The following TCEA1 variants were observed in gnomAD, a reference collection of about 807,000 sequenced individuals.
The protein encoded by TCEA1 is transcription elongation factor A protein 1.
A neutral mutation model predicts 43.8 loss-of-function variants in TCEA1; 21 were observed. The observed-to-expected ratio is 0.48, with a 90% confidence interval of 0.34 to 0.69. TCEA1 has a LOEUF of 0.69. Among genes scored for constraint, TCEA1 ranks in the 30% least tolerant of loss-of-function variants. TCEA1 has a pLI of 0.01. For missense variants in TCEA1, 250 were observed against 365.1 expected (o/e 0.68, Z 2.57); for synonymous variants, 104 against 117.5 (o/e 0.88, Z 0.75).
At chr8:54,009,248 C>T (rs1001441372) in intron 2 of TCEA1, among the ~76,000 whole-genome samples, 5 of 151,820 alleles carry the variant, frequency 3.3e-5, no homozygotes, top group African/African-American at 1.2e-4. Flanking sequence ...TTAGCACAGC[C>T]ACTGTATAAA....
At chr8:53,994,866 G>GT (rs781048915) in intron 3 of TCEA1, among the ~76,000 whole-genome samples, 9 of 149,614 alleles carry the variant, frequency 6.0e-5, no homozygotes, top group Non-Finnish European at 1.2e-4. Flanking sequence ...ACAAGACTCT[G>GT]TCTCAAAAAA....
At chr8:54,009,534 C>A (rs888270725) in intron 2 of TCEA1, among the ~76,000 whole-genome samples, 1 of 152,086 alleles carries the variant, frequency 6.6e-6, no homozygotes, top group Non-Finnish European at 1.5e-5. Flanking sequence ...ACGGATGGAA[C>A]TGAAGTTATG....
chr8:53,987,914 T>C (rs2129303568), intron 5 of TCEA1, among the ~76,000 whole-genome samples, 200 bp downstream of exon 5: 1 of 152,286 alleles, frequency 6.6e-6, no homozygotes, highest in Admixed American at 6.5e-5. Context: ...TACAATTACA[T>C]AGTAATAAGC....
intron 4 of TCEA1, among the ~76,000 whole-genome samples, chr8:53,993,077 C>G (rs1170077531): frequency 6.6e-6 from 1 of 151,196 alleles, no homozygotes; most frequent in Non-Finnish European, 1.5e-5. Context: ...CCCAGCCTCC[C>G]AAGTAGCTGG....
chr8:53,988,183 C>T lies in TCEA1; in HGVS notation c.397G>A (p.Ala133Thr), dbSNP rs1037056970. The T allele has an allele frequency of 6.2e-7, 1 of 1,612,832 alleles. No individual in the cohort carries two copies. The highest frequency in any genetic ancestry group is 8.5e-7 in the Non-Finnish European group (1 of 1,179,468). ...RDTYVSSFPRAPSTSDSVRLK... is the reference protein window; with the variant it reads ...RDTYVSSFPRTPSTSDSVRLK... The stretch of plus-strand genomic sequence containing the variant: ...CGCACAGAATCAGAAGTGCTTGGTG[C>T]CCGAGGAAAGGATGAAACATAAGTA... The change falls in exon 5 of 10, where the codon GCA becomes ACA. Residue 133 changes from alanine (A) to threonine (T), a missense_variant. By Grantham distance (58) the Ala-to-Thr change is moderately conservative. This residue lies in a region of TCEA1 where 147 missense variants were observed against 160.3 expected (regional missense o/e 0.92). Transcript: ENST00000521604.
rs1250448937 is a variant in TCEA1, at chr8:53,966,560, T to C, written c.*1544A>G. On this transcript the variant is annotated 3_prime_UTR_variant, in exon 10 of 10. Transcript: ENST00000521604. ...ATAAAATGACAAAATGTGATATATGTTTAACAACAAAAAAAACTTTATTGA... is the reference window on the plus strand; with the variant it reads ...ATAAAATGACAAAATGTGATATATGCTTAACAACAAAAAAAACTTTATTGA... 1 of 176,724 alleles carries C rather than the reference T, an allele frequency of 5.7e-6. No homozygotes were observed. Among genetic ancestry groups the C allele is most frequent in the African/African-American group, 2.4e-5 (1 of 42,226 alleles). 10.9% of individuals were successfully genotyped at this position (176,724 alleles called of 1,614,324 possible). A position where few individuals can be genotyped will look rare whatever the true frequency, so the allele number is the denominator to read the frequency against.
chr8:53,986,626 G>A (rs1449643345), intron 6 of TCEA1, among the ~76,000 whole-genome samples: 3 of 152,012 alleles, frequency 2.0e-5, no homozygotes, highest in Non-Finnish European at 4.4e-5. Context: ...ATTTTACTAG[G>A]GATTTATATG....
intron 3 of TCEA1, among the ~76,000 whole-genome samples, chr8:53,998,411 A>G (rs1804136673): frequency 6.6e-6 from 1 of 152,154 alleles, no homozygotes; most frequent in Non-Finnish European, 1.5e-5. Context: ...CCACATATTC[A>G]GGAGGCATAC....
At chr8:53,985,895 G>A (rs1803676500) in intron 6 of TCEA1, among the ~76,000 whole-genome samples, 1 of 152,140 alleles carries the variant, frequency 6.6e-6, no homozygotes, top group South Asian at 2.1e-4. Context: ...AGACACTACA[G>A]TCTCAATCTA....
intron 1 of TCEA1, among the ~76,000 whole-genome samples, chr8:54,012,189 T>C (rs1244609332): frequency 1.3e-5 from 2 of 152,216 alleles, no homozygotes; most frequent in African/African-American, 4.8e-5. Context: ...GTAAACTCAT[T>C]TGGCAGCTAA....
chr8:53,971,322 C>T (rs1278656952), intron 8 of TCEA1: 1 of 152,274 alleles, frequency 6.6e-6, no homozygotes, highest in Non-Finnish European at 1.5e-5. Context: ...ATCAAAAAGT[C>T]AAAATTGGCC....
intron 1 of TCEA1, among the ~76,000 whole-genome samples, chr8:54,017,324 ATT>A (rs886789185): frequency 3.3e-5 from 5 of 152,098 alleles, no homozygotes; most frequent in Admixed American, 1.3e-4. Context: ...TCACCTGAGA[ATT>A]TTCTTTCACC....
At chr8:53,987,090 G>A in intron 5 of TCEA1, 65 bp from the exon 6 acceptor site, 1 of 1,285,600 alleles carries the variant, frequency 7.8e-7, no homozygotes, top group Non-Finnish European at 1.1e-6. Flanking sequence ...CTAATACCAG[G>A]TAATTAAACT....
chr8:53,996,526 A>T (rs2129307169), intron 3 of TCEA1, among the ~76,000 whole-genome samples: 1 of 152,348 alleles, frequency 6.6e-6, no homozygotes, highest in Middle Eastern at 3.4e-3. Context: ...AGTAGTAGTA[A>T]ATGTAGAAAT....
chr8:53,974,524 A>AGTGGGG (rs1325920838), intron 8 of TCEA1, among the ~76,000 whole-genome samples: 1 of 3,148 alleles, frequency 3.2e-4, no homozygotes. Context: ...TTTGGGGGGT[A>AGTGGGG]GTGGGGGTGG....
At chr8:54,016,451 G>C (rs142920577) in intron 1 of TCEA1, among the ~76,000 whole-genome samples, 2 of 152,226 alleles carry the variant, frequency 1.3e-5, no homozygotes, top group Non-Finnish European at 2.9e-5. Context: ...CGGGGTGACA[G>C]AGCGAGACAC....
intron 9 of TCEA1, 98 bp from the exon 10 acceptor site, chr8:53,968,210 G>A (rs1803046355): frequency 4.0e-6 from 4 of 988,456 alleles, no homozygotes; most frequent in Non-Finnish European, 4.3e-6. Flanking sequence ...TTTTAAAAAA[G>A]ATGCATTTTT....
chr8:54,004,671 G>A (rs952237152), intron 2 of TCEA1, among the ~76,000 whole-genome samples: 1 of 151,856 alleles, frequency 6.6e-6, no homozygotes, highest in Non-Finnish European at 1.5e-5. Context: ...TGATGAAAAT[G>A]TTCTAAAGTT....
chr8:53,970,531 T>A, intron 8 of TCEA1, 68 bp from the exon 9 acceptor site: 1 of 744,386 alleles, frequency 1.3e-6, no homozygotes, highest in African/African-American at 1.8e-5. Context: ...AATAATGTTA[T>A]ACATAAAGAT....
Sources: allele counts gnomAD v4.1 joint callset (sites outside exome capture counted in the v4.1 genomes callset), GRCh38; gene constraint gnomAD v4.1.1; regional missense constraint gnomAD v4.1.1; transcripts MANE v1.5; gene names NCBI Gene and HGNC (gene_info 2026-07-23, HGNC 2026-07-21).